Variants in CDH18 observed in about 807,000 individuals in gnomAD.
The protein encoded by CDH18 is cadherin-18.
In CDH18, 31 loss-of-function variants were observed where a neutral mutation model predicts 67.9. The observed-to-expected ratio is 0.46, with a 90% CI of 0.34 to 0.62. The LOEUF (loss-of-function observed/expected upper bound fraction) is 0.62, where lower values mean the gene tolerates loss of function less well. Ranked by LOEUF, CDH18 falls within the 20% of genes least tolerant of loss-of-function variation. The pLI, the probability that CDH18 is intolerant of heterozygous loss-of-function variation, is 0.01. For missense variants in CDH18, 890 were observed against 975.5 expected (o/e 0.91, Z 1.17); for synonymous variants, 362 against 347.2 (o/e 1.04, Z -0.48).
intron 2 of CDH18, among the ~76,000 whole-genome samples, chr5:19,966,515 T>C (rs1018577405): frequency 4.6e-5 from 7 of 152,122 alleles, no homozygotes; most frequent in East Asian, 1.9e-4. Context: ...ACCTGAAGCA[T>C]GGAGATGATA....
rs1216053031 is a variant in CDH18, at chr5:19,994,724, TATATATATATATATAGAGAG to T, written c.-517-2730_-517-2711del. Among the ~76,000 whole-genome samples the T allele has an allele frequency of 1.6e-3, 39 of 23,932 alleles. 1 individual carries two copies. The highest frequency in any genetic ancestry group is 2.8e-3 in the South Asian group (1 of 360). The allele number at this position is 23,932 out of a possible 152,430, so 15.7% of individuals were successfully genotyped here. A position where few individuals can be genotyped will look rare whatever the true frequency, so the allele number is the denominator to read the frequency against. ...CAGTATATATATATATATATATATA[TATATATATATATATAGAGAG>T]AGAGAGAGAGAGAGAGAGAGAGAGA... On this transcript the variant is annotated intron_variant, in intron 2 of 14. Coordinates refer to the CDH18 transcript ENST00000507958.
At chr5:20,206,777 A>G (rs1356961176) in intron 2 of CDH18, among the ~76,000 whole-genome samples, 2 of 152,022 alleles carry the variant, frequency 1.3e-5, no homozygotes, top group Non-Finnish European at 2.9e-5. Context: ...TGCTGAAAAA[A>G]CATTAGACAA....
At chr5:20,393,420 T>A (rs1745027482) in intron 1 of CDH18, among the ~76,000 whole-genome samples, 1 of 152,026 alleles carries the variant, frequency 6.6e-6, no homozygotes, top group South Asian at 2.1e-4. Context: ...TAAAAGGCGT[T>A]CTCACTGCTG....
intron 1 of CDH18, among the ~76,000 whole-genome samples, chr5:19,987,065 G>A (rs1799634908): frequency 6.6e-6 from 1 of 151,994 alleles, no homozygotes; most frequent in African/African-American, 2.4e-5. Context: ...AATACTTTTA[G>A]CTAAGATTTT....
intron 5 of CDH18, among the ~76,000 whole-genome samples, chr5:19,621,728 T>C (rs1374490): frequency 0.037 from 5,696 of 152,254 alleles, 307 homozygotes; most frequent in African/African-American, 0.12. Context: ...ATGTGCAAGA[T>C]GAATAAGTTC....
rs145232608 is a variant in CDH18, at chr5:20,458,058, AAT to A, written c.-580+117402_-580+117403del. Among the ~76,000 whole-genome samples, 68 of 152,290 alleles carry A rather than the reference AAT, an allele frequency of 4.5e-4. No individual in the cohort carries two copies. The East Asian group carries it at 0.012, about 27-fold the overall frequency. ...TTGAAATTGGTGTGGTCAGGAAAAC[AAT>A]TAAGTGTTTCATATGCTATCATAGC... On this transcript the variant is annotated intron_variant, in intron 1 of 14. Coordinates refer to the CDH18 transcript ENST00000507958.
At chr5:19,668,747 T>C (rs1349516693) in intron 5 of CDH18, among the ~76,000 whole-genome samples, 1 of 152,084 alleles carries the variant, frequency 6.6e-6, no homozygotes, top group Non-Finnish European at 1.5e-5. Flanking sequence ...TCAAGGTGCA[T>C]TGTCATGATG....
At position 19,612,427 on chromosome 5, in the gene CDH18, T is replaced by C. The variant is rs773271730; in HGVS notation, c.811+7A>G. On this transcript the variant is annotated splice_region_variant and intron_variant, in intron 6 of 12. Coordinates refer to ENST00000382275, the MANE Select transcript of CDH18 (RefSeq NM_004934.5). ...ATAAATTCAAATCATGGAAAACAAA[T>C]ACGTACTTTGAGGAAAGCGTGGTGG... The C allele has an allele frequency of 2.5e-6, 4 of 1,613,288 alleles. No individual in the cohort carries two copies. Among genetic ancestry groups the C allele is most frequent in the South Asian group, 1.1e-5 (1 of 91,026 alleles).
intron 6 of CDH18, among the ~76,000 whole-genome samples, chr5:19,600,912 A>G (rs1411405098): frequency 6.6e-6 from 1 of 152,212 alleles, no homozygotes; most frequent in African/African-American, 2.4e-5. Flanking sequence ...ACACATTTGA[A>G]TATTTCCCAG....
At chr5:20,507,419 G>A (rs1754724720) in intron 1 of CDH18, among the ~76,000 whole-genome samples, 1 of 152,164 alleles carries the variant, frequency 6.6e-6, no homozygotes, top group African/African-American at 2.4e-5. Context: ...TATTGATAGA[G>A]ATTCACTGGA....
At chr5:19,794,577 T>C (rs1169125012) in intron 3 of CDH18, among the ~76,000 whole-genome samples, 2 of 152,024 alleles carry the variant, frequency 1.3e-5, no homozygotes, top group African/African-American at 4.8e-5. Flanking sequence ...CTCTCTCTCT[T>C]TCTCTCTCTC....
intron 11 of CDH18, among the ~76,000 whole-genome samples, chr5:19,485,000 T>G (rs959100308): frequency 6.7e-6 from 1 of 149,540 alleles, no homozygotes; most frequent in African/African-American, 2.5e-5. Flanking sequence ...GTATTTTATG[T>G]AGGTATGTTT....
In CDH18 at chr5:19,711,779, A is replaced by G. The variant is rs114048610; in HGVS notation, c.643+9568T>C. 1.7e-3 allele frequency among the ~76,000 whole-genome samples: 254 copies of G among 152,196 alleles called. 1 individual carries two copies. Among genetic ancestry groups the G allele is most frequent in the African/African-American group, 5.9e-3 (246 of 41,576 alleles). On this transcript the variant is annotated intron_variant, in intron 5 of 12. Transcript: ENST00000382275. The stretch of plus-strand genomic sequence containing the variant: ...CATGGAGAATTCTCAAAAAAACTCA[A>G]AATAGAACTACCATTTGATTCAGCA...
intron 1 of CDH18, among the ~76,000 whole-genome samples, chr5:20,341,943 T>A: frequency 6.6e-6 from 1 of 152,166 alleles, no homozygotes; most frequent in East Asian, 1.9e-4. Context: ...GCTGGTTGGT[T>A]GCTCCTAAGC....
At chr5:20,565,756 T>TA (rs541394969) in intron 1 of CDH18, among the ~76,000 whole-genome samples, 79,879 of 142,394 alleles carry the variant, frequency 0.56, 22,817 homozygotes, top group Middle Eastern at 0.71. Flanking sequence ...TACGTTATGA[T>TA]AAAAAAAAAA....
intron 2 of CDH18, among the ~76,000 whole-genome samples, chr5:20,057,064 C>T (rs1038100987): frequency 2.2e-4 from 33 of 151,966 alleles, no homozygotes; most frequent in Non-Finnish European, 1.5e-5. Flanking sequence ...AGATGTCATC[C>T]CTAAGTAAAT....
At chr5:20,113,976 G>T (rs1747686305) in intron 2 of CDH18, among the ~76,000 whole-genome samples, 1 of 152,168 alleles carries the variant, frequency 6.6e-6, no homozygotes, top group African/African-American at 2.4e-5. Context: ...CTTTGGTTAA[G>T]ACCTACATTA....
intron 6 of CDH18, among the ~76,000 whole-genome samples, chr5:19,611,134 T>C (rs1410389185): frequency 6.6e-6 from 1 of 152,146 alleles, no homozygotes; most frequent in Non-Finnish European, 1.5e-5. Context: ...CAATTAAGCG[T>C]CTTCCTAGAG....
intron 9 of CDH18, among the ~76,000 whole-genome samples, chr5:19,529,223 A>G (rs1330138759): frequency 6.6e-6 from 1 of 152,038 alleles, no homozygotes; most frequent in Non-Finnish European, 1.5e-5. Context: ...TTTAAAAATC[A>G]GTGAATATAA....
Sources: allele counts gnomAD v4.1 joint callset (sites outside exome capture counted in the v4.1 genomes callset), GRCh38; gene constraint gnomAD v4.1.1; transcripts MANE v1.5; gene names NCBI Gene and HGNC (gene_info 2026-07-23, HGNC 2026-07-21).